The following SMARCC2 variants were observed in gnomAD, a reference collection of about 807,000 sequenced individuals.
SMARCC2 encodes the protein SWI/SNF related BAF chromatin remodeling complex subunit C2.
In SMARCC2, 15 loss-of-function variants were observed where a neutral mutation model predicts 151.3. The observed-to-expected ratio is 0.10, with a 90% CI of 0.07 to 0.15. The LOEUF is 0.15. SMARCC2 is among the 10% of genes least tolerant of loss of function. SMARCC2 has a pLI of 1.00. For synonymous variants in SMARCC2, 590 were observed against 609.5 expected (o/e 0.97, Z 0.47); for missense variants, 1,031 against 1,599.7 (o/e 0.64, Z 6.06).
chr12:56,172,860 A>G (rs1413049601), intron 18 of SMARCC2, 77 bp downstream of exon 18: 1 of 1,576,362 alleles, frequency 6.3e-7, no homozygotes, highest in Non-Finnish European at 8.7e-7. Flanking sequence ...CTCTGCTCTC[A>G]TGTCTCTTCT....
chr12:56,172,866 C>A, intron 18 of SMARCC2, 71 bp downstream of exon 18: 3 of 1,584,536 alleles, frequency 1.9e-6, no homozygotes, highest in Non-Finnish European at 2.6e-6. Flanking sequence ...TCTCATGTCT[C>A]TTCTTCCCGG....
chr12:56,171,958 A>G lies in SMARCC2; in HGVS notation c.1927-21T>C, dbSNP rs1592289771. Reference sequence around the variant, plus strand: ...AGTGCCTGGTGGTAGTGGTGGAGACATAACTCCGCTTACTTAGCCACTTTT... The same window carrying G: ...AGTGCCTGGTGGTAGTGGTGGAGACGTAACTCCGCTTACTTAGCCACTTTT... On this transcript the variant is annotated intron_variant, in intron 20 of 28. Coordinates refer to ENST00000550164, the MANE Select transcript of SMARCC2 (RefSeq NM_001330288.2). This position sits in a 1 kb window ranked among gnomAD's most constrained non-coding sequence, Gnocchi z 4.2. 1 of 1,576,424 alleles carries G rather than the reference A, an allele frequency of 6.3e-7. No homozygotes were observed.
At chr12:56,164,786 C>CTCACCTTTTCTATT (rs1356148136) in intron 27 of SMARCC2, 55 bp from the exon 28 acceptor site, 1 of 1,384,254 alleles carries the variant, frequency 7.2e-7, no homozygotes, top group Non-Finnish European at 9.9e-7. Flanking sequence ...TGCTTAACAA[C>CTCACCTTTTCTATT]TCACCTTTTC....
At position 56,172,763 on chromosome 12, in the gene SMARCC2, A is replaced by G. The variant is rs758011969; in HGVS notation, c.1744-59T>C. 7.0e-5 allele frequency: 112 copies of G among 1,607,356 alleles called. No homozygotes were observed. The Middle Eastern group carries it at 9.9e-4, about 14-fold the overall frequency. On this transcript the variant is annotated intron_variant, in intron 18 of 28. Transcript: ENST00000550164. ...AGTGACCACCGGGAGCCAGGGGCTG[A>G]CAGAGAGAAAAAACAGACAGAAGGA...
At chr12:56,181,681 A>G (rs1592316248) in intron 9 of SMARCC2, 23 bp downstream of exon 9, 1 of 1,614,054 alleles carries the variant, frequency 6.2e-7, no homozygotes, top group Non-Finnish European at 8.5e-7. Context: ...GGGCGCCAGG[A>G]AAAAAAGAAC....
chr12:56,174,429 A>G (rs1410604999), intron 16 of SMARCC2: 8 of 451,836 alleles, frequency 1.8e-5, no homozygotes, highest in African/African-American at 3.9e-5. Flanking sequence ...GTATCTTTCA[A>G]TTACAGACAT....
chr12:56,182,022 A>C lies in SMARCC2; in HGVS notation c.690T>G (p.Thr230=). 1 of 1,612,066 alleles carries C rather than the reference A, an allele frequency of 6.2e-7. No homozygotes were observed. The highest frequency in any genetic ancestry group is 8.5e-7 in the Non-Finnish European group (1 of 1,179,090). ...AGCTCACCTTCCTAGGTTTCTCAGG[A>C]GTTGGAGCATCTTCCACAGATGCCT... ...EIEASVEDAP[T]PEKPRKVHAK... Residue 230 remains threonine, a synonymous_variant, in exon 8 of 29, where the codon ACT becomes ACG. Transcript: ENST00000550164.
intron 15 of SMARCC2, 47 bp downstream of exon 15, chr12:56,177,975 G>T: frequency 7.8e-7 from 1 of 1,276,282 alleles, no homozygotes; most frequent in Non-Finnish European, 1.1e-6. Flanking sequence ...AAGGGTGAAT[G>T]TGGGGACAGG....
chr12:56,181,872 T>C (rs1876279201), intron 8 of SMARCC2, 37 bp from the exon 9 acceptor site: 3 of 1,613,794 alleles, frequency 1.9e-6, no homozygotes, highest in Admixed American at 3.3e-5. Context: ...CAGAGAAGCC[T>C]GGAAGCCACA....
Position 56,163,582 on chromosome 12 carries a change from A to C in SMARCC2, c.*107T>G, listed in dbSNP as rs1407837377. The C allele has an allele frequency of 8.8e-6, 5 of 568,874 alleles. No individual in the cohort carries two copies. The East Asian group carries it at 1.6e-4, about 18-fold the overall frequency. 35.2% of individuals were successfully genotyped at this position (568,874 alleles called of 1,614,324 possible). Reference sequence around the variant, plus strand: ...GGGGCGGAAGGAGCTTTCCTTACGTAGTGATGAACTCTCCAGGCTGGGGAG... The same window carrying C: ...GGGGCGGAAGGAGCTTTCCTTACGTCGTGATGAACTCTCCAGGCTGGGGAG... On this transcript the variant is annotated 3_prime_UTR_variant, in exon 29 of 29. Transcript: ENST00000550164.
rs1308817777 is a variant in SMARCC2, at chr12:56,171,207, C to A, written c.2347+64G>T. ...ATGCCAACTTGAGGCAGAAATGGCACAGGAGGCCAGGTAGCTCTGGATCTT... is the reference window on the plus strand; with the variant it reads ...ATGCCAACTTGAGGCAGAAATGGCAAAGGAGGCCAGGTAGCTCTGGATCTT... On this transcript the variant is annotated intron_variant, in intron 22 of 28. Coordinates refer to ENST00000550164, the MANE Select transcript of SMARCC2 (RefSeq NM_001330288.2). This position sits in a 1 kb window ranked among gnomAD's most constrained non-coding sequence, Gnocchi z 4.2. The A allele has an allele frequency of 2.6e-6, 4 of 1,537,592 alleles. No individual in the cohort carries two copies. The East Asian group carries it at 9.0e-5, about 35-fold the overall frequency.
In SMARCC2 at chr12:56,172,467, A is replaced by T; in HGVS notation, c.1887T>A (p.Thr629=). The T allele has an allele frequency of 6.3e-7, 1 of 1,595,770 alleles. No homozygotes were observed. Among genetic ancestry groups the T allele is most frequent in the Non-Finnish European group, 8.5e-7 (1 of 1,169,800 alleles). The part of the protein sequence containing the change: ...PSKSKAAASA[T]REWTEQETLL... ...GGGTTTCCTGTTCTGTCCACTCACG[A>T]GTGGCACTGGCTGCAGCCTTGCTCT... Residue 629 remains threonine (T), a synonymous_variant, in exon 20 of 29, where the codon ACT becomes ACA. Coordinates refer to ENST00000550164, the MANE Select transcript of SMARCC2 (RefSeq NM_001330288.2).
intron 16 of SMARCC2, chr12:56,174,423 C>A: frequency 2.3e-6 from 1 of 435,658 alleles, no homozygotes; most frequent in Non-Finnish European, 4.2e-6. Flanking sequence ...GAACCAGTAT[C>A]TTTCAATTAC....
intron 14 of SMARCC2, 73 bp downstream of exon 14, chr12:56,178,331 G>C (rs1207969471): frequency 1.3e-6 from 2 of 1,544,904 alleles, no homozygotes; most frequent in African/African-American, 2.7e-5. Flanking sequence ...GGAGGAGGCA[G>C]GGAGAAGAAC....
Position 56,164,253 on chromosome 12 carries a change from C to T in SMARCC2, c.3661+50G>A, listed in dbSNP as rs1592269610. On this transcript the variant is annotated intron_variant, in intron 28 of 28. Transcript: ENST00000550164. ...CCCCACCTGCCCGCTCACCCTCCCT[C>T]CAGGTGGACCCCTCTCCCTCACCCT... 2.6e-6 allele frequency: 4 copies of T among 1,559,184 alleles called. No individual in the cohort carries two copies. In the South Asian group the frequency reaches 3.4e-5, roughly 13 times the overall value.
chr12:56,178,853 A>T lies in SMARCC2; in HGVS notation c.1142-6T>A. ...GCTTTCATCTTCCTGTTCATCTGAA[A>T]GAGAAAAACCAAGATGTAAGGCTGG... On this transcript the variant is annotated splice_polypyrimidine_tract_variant and splice_region_variant and intron_variant, in intron 12 of 28. Coordinates refer to ENST00000550164, the MANE Select transcript of SMARCC2 (RefSeq NM_001330288.2). 1.9e-6 allele frequency: 3 copies of T among 1,614,138 alleles called. No individual in the cohort carries two copies. The highest frequency in any genetic ancestry group is 2.5e-6 in the Non-Finnish European group (3 of 1,179,982).
intron 13 of SMARCC2, 93 bp downstream of exon 13, chr12:56,178,717 A>C (rs1356344733): frequency 8.1e-6 from 12 of 1,481,212 alleles, no homozygotes; most frequent in Non-Finnish European, 3.8e-6. Context: ...ACAGTGGGTA[A>C]AGTCTGGGCA....
chr12:56,164,770 A>C lies in SMARCC2; in HGVS notation c.3233-39T>G, dbSNP rs766345887. 1.3e-5 allele frequency: 20 copies of C among 1,501,542 alleles called. No homozygotes were observed. In the East Asian group the frequency reaches 4.3e-4, roughly 32 times the overall value. 93.0% of individuals were successfully genotyped at this position (1,501,542 alleles called of 1,614,324 possible). A position where few individuals can be genotyped will look rare whatever the true frequency, so the allele number is the denominator to read the frequency against. On this transcript the variant is annotated intron_variant, in intron 27 of 28. Coordinates refer to ENST00000550164, the MANE Select transcript of SMARCC2 (RefSeq NM_001330288.2). ...TGAGAGATGGAGAAAATTAGGTATA[A>C]AATTTTGCTTAACAACTCACCTTTT...
chr12:56,162,605 GTT>G lies in SMARCC2; in HGVS notation c.*1082_*1083del. 1 of 381,926 alleles carries G rather than the reference GTT, an allele frequency of 2.6e-6. No individual in the cohort carries two copies. Among genetic ancestry groups the G allele is most frequent in the Non-Finnish European group, 4.7e-6 (1 of 212,186 alleles). The allele number at this position is 381,926 out of a possible 1,614,324, so 23.7% of individuals were successfully genotyped here. The stretch of plus-strand genomic sequence containing the variant: ...GTGGAGCAGGAATGCGGGAAGCAGA[GTT>G]GAGCTGCGAGCCAAGGGTTGGTCCA... On this transcript the variant is annotated 3_prime_UTR_variant, in exon 29 of 29. Transcript: ENST00000550164.
Sources: gnomAD v4.1 joint callset for allele counts on GRCh38, gnomAD v4.1.1 for gene constraint, Gnocchi (gnomAD v3.1) non-coding constraint, MANE v1.5 for transcripts, NCBI Gene and HGNC (gene_info 2026-07-23, HGNC 2026-07-21) for gene names.